SEMA6A: variants seen among roughly 807,000 people sequenced by gnomAD.
SEMA6A encodes semaphorin 6A, also known as semaphorin-6A.
SEMA6A carries 25 observed loss-of-function variants against 96.8 expected under a neutral mutation model. The observed-to-expected ratio is 0.26, with a 90% CI of 0.19 to 0.36. The LOEUF (loss-of-function observed/expected upper bound fraction) is 0.36, where lower values mean the gene tolerates loss of function less well. SEMA6A is among the 10% of genes least tolerant of loss of function. The pLI, the probability that SEMA6A is intolerant of heterozygous loss-of-function variation, is 1.00. For missense variants in SEMA6A, 1,363 were observed against 1,323.1 expected (o/e 1.03, Z -0.47); for synonymous variants, 612 against 518.0 (o/e 1.18, Z -2.46).
At chr5:116,573,489 G>A (rs1761323967) in intron 1 of SEMA6A, among the ~76,000 whole-genome samples, 1 of 151,996 alleles carries the variant, frequency 6.6e-6, no homozygotes, top group South Asian at 2.1e-4. Flanking sequence ...TCACCCGAAC[G>A]GCTGCTCCCG....
At chr5:116,452,903 C>T (rs1754734056) in intron 18 of SEMA6A, among the ~76,000 whole-genome samples, 1 of 152,310 alleles carries the variant, frequency 6.6e-6, no homozygotes, top group Admixed American at 6.5e-5. Context: ...CGGGGAAGGA[C>T]AATGATGAAT....
At position 116,467,692 on chromosome 5, in the gene SEMA6A, C is replaced by A. The variant is rs1227141498; in HGVS notation, c.1785G>T (p.Glu595Asp). The change falls in exon 18 of 19, where the codon GAG (glutamate) becomes GAT (aspartate). Residue 595 changes from glutamate (E) to aspartate (D), a missense_variant. By Grantham distance (45) the Glu-to-Asp change is conservative. Transcript: ENST00000343348. ...STTTSDSTAQEGYESRGGMLD... is the reference protein window; with the variant it reads ...STTTSDSTAQDGYESRGGMLD... ...GCATTCCTCCCCTAGACTCATACCC[C>A]TCTTGAGCCGTCGAATCTGATGTGG... The A allele has an allele frequency of 1.1e-5, 18 of 1,613,864 alleles. No homozygotes were observed. The highest frequency in any genetic ancestry group is 1.1e-4 in the East Asian group (5 of 44,860).
rs141039757 is a variant in SEMA6A at position 116,445,515 on chromosome 5, A to T, written c.*1098T>A. 2 of 152,668 alleles carry T rather than the reference A, an allele frequency of 1.3e-5. No individual in the cohort carries two copies. The highest frequency in any genetic ancestry group is 2.9e-5 in the Non-Finnish European group (2 of 68,044). The allele number at this position is 152,668 out of a possible 1,614,324, so 9.5% of individuals were successfully genotyped here. On this transcript the variant is annotated 3_prime_UTR_variant, in exon 19 of 19. Coordinates refer to ENST00000343348, the MANE Select transcript of SEMA6A (RefSeq NM_020796.5). ...GAAAGTCAGAACCATGGACAAAACC[A>T]TGTTGGCATCAATGAGATATGATGT...
intron 1 of SEMA6A, among the ~76,000 whole-genome samples, chr5:116,526,414 G>C (rs1369247000): frequency 6.6e-6 from 1 of 152,024 alleles, no homozygotes; most frequent in African/African-American, 2.4e-5. Context: ...GACATTATTT[G>C]TTTACTAATC....
chr5:116,549,278 C>T (rs1430133727), intron 1 of SEMA6A, among the ~76,000 whole-genome samples: 6 of 152,154 alleles, frequency 3.9e-5, no homozygotes, highest in African/African-American at 1.2e-4. Context: ...TAAGTTCCCC[C>T]ATTCCATACC....
chr5:116,475,155 TA>T, intron 16 of SEMA6A, among the ~76,000 whole-genome samples: 1 of 152,314 alleles, frequency 6.6e-6, no homozygotes, highest in South Asian at 2.1e-4. Flanking sequence ...CCCACTCAAT[TA>T]AAAAGCTAGA....
chr5:116,510,691 T>C (rs1758363441), intron 1 of SEMA6A, among the ~76,000 whole-genome samples: 1 of 152,176 alleles, frequency 6.6e-6, no homozygotes, highest in Non-Finnish European at 1.5e-5. Context: ...GAGAGAAGTC[T>C]CCTTCTCTCC....
intron 1 of SEMA6A, among the ~76,000 whole-genome samples, chr5:116,570,564 G>A (rs1478392957): frequency 6.6e-6 from 1 of 152,216 alleles, no homozygotes; most frequent in African/African-American, 2.4e-5. Flanking sequence ...TACACAAATG[G>A]CAGATGCTTA....
chr5:116,491,151 G>A (rs998432855), intron 7 of SEMA6A, among the ~76,000 whole-genome samples: 2 of 152,148 alleles, frequency 1.3e-5, no homozygotes, highest in African/African-American at 4.8e-5. Context: ...GGGGTATGTG[G>A]CCTCATTGCT....
Position 116,472,829 on chromosome 5 carries a change from C to T in SEMA6A, c.1729+244G>A, listed in dbSNP as rs1756231166. On this transcript the variant is annotated intron_variant, in intron 17 of 18. Coordinates refer to ENST00000343348, the MANE Select transcript of SEMA6A (RefSeq NM_020796.5). ...GTTTAGGAATGAAAACTATAAACTA[C>T]TGCTGGATGAATGACTTCACGAATT... is the stretch of plus-strand genomic sequence containing the variant. 13 of 1,311,800 alleles carry T rather than the reference C, an allele frequency of 9.9e-6. No individual in the cohort carries two copies. The Admixed American group carries it at 3.5e-4, about 35-fold the overall frequency. 81.3% of individuals were successfully genotyped at this position (1,311,800 alleles called of 1,614,324 possible).
At chr5:116,561,097 C>T (rs1352574181) in intron 1 of SEMA6A, among the ~76,000 whole-genome samples, 3 of 152,138 alleles carry the variant, frequency 2.0e-5, no homozygotes, top group Non-Finnish European at 4.4e-5. Context: ...GAGGTGTGCT[C>T]TTAGGCAAAT....
intron 3 of SEMA6A, among the ~76,000 whole-genome samples, chr5:116,501,122 A>G (rs1405446267): frequency 7.2e-5 from 11 of 152,176 alleles, no homozygotes; most frequent in Admixed American, 7.2e-4. Context: ...GTTGCTGTTC[A>G]TTTGGAATTA....
At position 116,447,500 on chromosome 5, in the gene SEMA6A, C is replaced by T. The variant is rs778440645; in HGVS notation, c.2206G>A (p.Gly736Ser). The change falls in exon 19 of 19, where the codon GGC (glycine) becomes AGC (serine). Residue 736 changes from glycine (G) to serine (S), a missense_variant. This residue lies in a region of SEMA6A where 883 missense variants were observed against 763.6 expected (regional missense o/e 1.16). Transcript: ENST00000343348. ...TTAATGAGCATCTTGGCCGTGTTGCCGGGAGTGGCGAGCTTGCCGTTGTGC... is the reference window on the plus strand; with the variant it reads ...TTAATGAGCATCTTGGCCGTGTTGCTGGGAGTGGCGAGCTTGCCGTTGTGC... ...LMHNGKLATP[G>S]NTAKMLIKAD... 9 of 1,613,922 alleles carry T rather than the reference C, an allele frequency of 5.6e-6. No individual in the cohort carries two copies. The highest frequency in any genetic ancestry group is 1.6e-4 in the Middle Eastern group (1 of 6,084).
chr5:116,448,050 C>G (rs563427717), intron 18 of SEMA6A, among the ~76,000 whole-genome samples: 1 of 151,876 alleles, frequency 6.6e-6, no homozygotes, highest in African/African-American at 2.4e-5. Flanking sequence ...AAGTGCTGTT[C>G]AGGCCGGGCA....
At chr5:116,541,504 C>T (rs1393574189) in intron 1 of SEMA6A, among the ~76,000 whole-genome samples, 2 of 152,188 alleles carry the variant, frequency 1.3e-5, no homozygotes, top group African/African-American at 4.8e-5. Flanking sequence ...GTACTAAGTT[C>T]GCATTATTGT....
At chr5:116,525,567 T>A (rs1350385434) in intron 1 of SEMA6A, among the ~76,000 whole-genome samples, 5 of 152,182 alleles carry the variant, frequency 3.3e-5, no homozygotes, top group African/African-American at 1.2e-4. Flanking sequence ...TTTCCCCCTG[T>A]CCTCAAAACT....
chr5:116,479,779 T>C (rs1041253685), intron 12 of SEMA6A, among the ~76,000 whole-genome samples: 1 of 152,222 alleles, frequency 6.6e-6, no homozygotes, highest in South Asian at 2.1e-4. Context: ...TTGTAATCAT[T>C]TCCAACCAAT....
intron 1 of SEMA6A, among the ~76,000 whole-genome samples, chr5:116,534,811 C>A (rs1014057886): frequency 1.3e-5 from 2 of 152,162 alleles, no homozygotes; most frequent in Non-Finnish European, 2.9e-5. Context: ...GGAATGGGCA[C>A]GTTATTACTG....
intron 10 of SEMA6A, 76 bp downstream of exon 10, chr5:116,486,673 T>C: frequency 8.3e-7 from 1 of 1,210,756 alleles, no homozygotes; most frequent in South Asian, 1.3e-5. Context: ...GCAAATATGG[T>C]TTATTAGAAG....
Sources: allele counts gnomAD v4.1 joint callset (sites outside exome capture counted in the v4.1 genomes callset), GRCh38; gene constraint gnomAD v4.1.1; regional missense constraint gnomAD v4.1.1; transcripts MANE v1.5; gene names NCBI Gene and HGNC (gene_info 2026-07-23, HGNC 2026-07-21).